TTF2: variants seen among roughly 807,000 people sequenced by gnomAD.
TTF2 encodes the protein RNA polymerase II termination factor.
In TTF2, 108 loss-of-function variants were observed where a neutral mutation model predicts 142.4. That is an observed-to-expected ratio of 0.76 (90% CI 0.65 to 0.89). The LOEUF is 0.89. Ranked by LOEUF, TTF2 falls within the 40% of genes least tolerant of loss-of-function variation. TTF2 has a pLI of 0.00. For missense variants in TTF2, 1,327 were observed against 1,379.8 expected (o/e 0.96, Z 0.61); for synonymous variants, 483 against 506.2 (o/e 0.95, Z 0.61).
chr1:117,092,753 AG>A lies in TTF2; in HGVS notation c.2831del (p.Gly944ValfsTer15). On this transcript the variant is annotated frameshift_variant, in exon 18 of 23. Coordinates refer to ENST00000369466, the MANE Select transcript of TTF2 (RefSeq NM_003594.4). LOFTEE classifies it high-confidence loss of function. The surrounding 1 kb of genome is among the most constrained non-coding windows in gnomAD (Gnocchi z 4.4). Reference sequence around the variant, plus strand: ...CAGGCCCTGGATCCAATGGAACTGAAGGGTGAAGGTCTTGTCCTTTCCCTGG... The same window carrying A: ...CAGGCCCTGGATCCAATGGAACTGAAGGTGAAGGTCTTGTCCTTTCCCTGG... The part of the protein sequence containing the change: ...LKSALDPMEL[K>X]GEGLVLSLEE... The A allele has an allele frequency of 6.2e-7, 1 of 1,614,128 alleles. No individual in the cohort carries two copies. The highest frequency in any genetic ancestry group is 8.5e-7 in the Non-Finnish European group (1 of 1,180,022).
intron 18 of TTF2, chr1:117,094,619 C>T (rs926792404): frequency 2.1e-6 from 1 of 476,962 alleles, no homozygotes; most frequent in Non-Finnish European, 4.4e-6. Context: ...GGGTAAAGCT[C>T]TTTCACTTTC....
rs746760088 is a variant in TTF2, at chr1:117,098,890, A to G, written c.3327A>G (p.Lys1109=). The G allele has an allele frequency of 1.2e-6, 2 of 1,613,026 alleles. No individual in the cohort carries two copies. Among genetic ancestry groups the G allele is most frequent in the African/African-American group, 1.3e-5 (1 of 74,722 alleles). ...GAATTTACCGAGTAGGGCAGCAGAA[A>G]GATGTTGTCATACACAGGTAAGTAA... is the stretch of plus-strand genomic sequence containing the variant. ...CDRIYRVGQQ[K]DVVIHRFVCE... The change falls in exon 22 of 23, where the codon AAA becomes AAG. Residue 1109 remains lysine, a synonymous_variant. Transcript: ENST00000369466.
In TTF2 at chr1:117,096,135, A is replaced by G. The variant is rs368421157; in HGVS notation, c.3036-14A>G. 1.9e-6 allele frequency: 3 copies of G among 1,613,516 alleles called. No homozygotes were observed. The highest frequency in any genetic ancestry group is 1.3e-5 in the African/African-American group (1 of 74,936). The stretch of plus-strand genomic sequence containing the variant: ...CTATGTTAGGGTATTTTTTTATTTT[A>G]TTCTTCTTTCCAGTGTCATTGTCTC... On this transcript the variant is annotated splice_polypyrimidine_tract_variant and intron_variant, in intron 19 of 22. Coordinates refer to ENST00000369466, the MANE Select transcript of TTF2 (RefSeq NM_003594.4).
At chr1:117,095,141 A>G (rs1480027583) in intron 18 of TTF2, among the ~76,000 whole-genome samples, 168 bp from the exon 19 acceptor site, 1 of 152,188 alleles carries the variant, frequency 6.6e-6, no homozygotes, top group Non-Finnish European at 1.5e-5. Context: ...TGAAGTGACA[A>G]ACTCACATTT....
chr1:117,096,029 A>C, intron 19 of TTF2, 120 bp from the exon 20 acceptor site: 1 of 1,087,362 alleles, frequency 9.2e-7, no homozygotes, highest in South Asian at 1.5e-5. Flanking sequence ...TAGGTAGCAG[A>C]AGGCCTTTCC....
intron 3 of TTF2, among the ~76,000 whole-genome samples, chr1:117,067,383 A>G (rs934791006): frequency 1.3e-5 from 2 of 152,070 alleles, no homozygotes; most frequent in Non-Finnish European, 2.9e-5. Flanking sequence ...TACAAAAAAT[A>G]GCCGGGCATG....
Position 117,075,186 on chromosome 1 carries a change from A to G in TTF2, c.602A>G (p.Glu201Gly). 1 of 1,614,214 alleles carries G rather than the reference A, an allele frequency of 6.2e-7. No homozygotes were observed. Among genetic ancestry groups the G allele is most frequent in the Non-Finnish European group, 8.5e-7 (1 of 1,180,048 alleles). The stretch of plus-strand genomic sequence containing the variant: ...GAGAAGAAGCAAGAAGAGGGAGCAG[A>G]GATTCAGTGTGAGGCAGAGACTGGA... ...VQEKKQEEGA[E>G]IQCEAETGGT... Residue 201 changes from glutamate (E) to glycine (G), a missense_variant, in exon 5 of 23, where the codon GAG (glutamate) becomes GGG (glycine). Coordinates refer to ENST00000369466, the MANE Select transcript of TTF2 (RefSeq NM_003594.4). This position sits in a 1 kb window ranked among gnomAD's most constrained non-coding sequence, Gnocchi z 4.5.
At chr1:117,078,940 T>G (rs988052428) in intron 8 of TTF2, among the ~76,000 whole-genome samples, 6 of 151,790 alleles carry the variant, frequency 4.0e-5, no homozygotes, top group Non-Finnish European at 5.9e-5. Context: ...GGGTCAGAGG[T>G]CTTGGTTAAA....
At chr1:117,094,801 A>T in intron 18 of TTF2, 1 of 372,556 alleles carries the variant, frequency 2.7e-6, no homozygotes, top group Non-Finnish European at 5.4e-6. Context: ...TATGACAAGG[A>T]CCGTGATAAT....
At position 117,091,807 on chromosome 1, in the gene TTF2, C is replaced by G; in HGVS notation, c.2672-10C>G. The G allele has an allele frequency of 2.5e-6, 4 of 1,611,778 alleles. No homozygotes were observed. Among genetic ancestry groups the G allele is most frequent in the Admixed American group, 1.7e-5 (1 of 59,868 alleles). On this transcript the variant is annotated splice_polypyrimidine_tract_variant and intron_variant, in intron 16 of 22. Transcript: ENST00000369466. ...TGTACCATCCTGTGGCTTGTCTTCC[C>G]TCTTGGAAGTGGCACTGGAGTTTGG...
In TTF2 at chr1:117,062,376, C is replaced by G. The variant is rs775652894; in HGVS notation, c.132-11C>G. The G allele has an allele frequency of 9.3e-6, 15 of 1,609,280 alleles. No homozygotes were observed. The South Asian group carries it at 1.7e-4, about 18-fold the overall frequency. ...ACCTAAAAATGTTTTCAACTTTTTT[C>G]TTTTCTCTAGCATTCCTGTTTCCCA... is the stretch of plus-strand genomic sequence containing the variant. On this transcript the variant is annotated splice_polypyrimidine_tract_variant and intron_variant, in intron 2 of 22. Coordinates refer to ENST00000369466, the MANE Select transcript of TTF2 (RefSeq NM_003594.4).
chr1:117,074,894 G>C lies in TTF2; in HGVS notation c.310G>C (p.Val104Leu). 1 of 1,594,658 alleles carries C rather than the reference G, an allele frequency of 6.3e-7. No homozygotes were observed. Among genetic ancestry groups the C allele is most frequent in the East Asian group, 2.2e-5 (1 of 44,702 alleles). ...GGATCCTGATTCCAAAGAACATTCT[G>C]TATCCAATAAGTCTCAGCATGCATC... is the stretch of plus-strand genomic sequence containing the variant. ...WQDPDSKEHSVSNKSQHASET... is the reference protein window; with the variant it reads ...WQDPDSKEHSLSNKSQHASET... The change falls in exon 5 of 23, where the codon GTA (valine) becomes CTA (leucine). Residue 104 changes from valine (V) to leucine (L), a missense_variant. By Grantham distance (32) the Val-to-Leu change is conservative. Coordinates refer to ENST00000369466, the MANE Select transcript of TTF2 (RefSeq NM_003594.4).
rs370929146 is a variant in TTF2 at position 117,075,276 on chromosome 1, G to A, written c.692G>A (p.Arg231Lys). ...CAGTGCCAAGGTAATGAGCTTACAA[G>A]ACCATCTGCATCTTCTCAGGAGAAA... The part of the protein sequence containing the change: ...SQQCQGNELT[R>K]PSASSQEKSS... The change falls in exon 5 of 23, where the codon AGA becomes AAA. Residue 231 changes from arginine to lysine, a missense_variant. Transcript: ENST00000369466. This position sits in a 1 kb window ranked among gnomAD's most constrained non-coding sequence, Gnocchi z 4.5. 1.3e-5 allele frequency: 21 copies of A among 1,614,110 alleles called. No homozygotes were observed. Among genetic ancestry groups the A allele is most frequent in the Non-Finnish European group, 1.8e-5 (21 of 1,180,046 alleles).
rs1293030935 is a variant in TTF2, at chr1:117,100,354, T to C, written c.3345-1026T>C. Among the ~76,000 whole-genome samples, 1 of 152,188 alleles carries C rather than the reference T, an allele frequency of 6.6e-6. No individual in the cohort carries two copies. Among genetic ancestry groups the C allele is most frequent in the Admixed American group, 6.5e-5 (1 of 15,270 alleles). Reference sequence around the variant, plus strand: ...TCTGATAACCATTTCTTCCTTCCCATGCCCACTGCCAGGTCCCCCCTTCCC... The same window carrying C: ...TCTGATAACCATTTCTTCCTTCCCACGCCCACTGCCAGGTCCCCCCTTCCC... On this transcript the variant is annotated intron_variant, in intron 22 of 22. Transcript: ENST00000369466. The surrounding 1 kb of genome is among the most constrained non-coding windows in gnomAD (Gnocchi z 4.6).
intron 8 of TTF2, 116 bp downstream of exon 8, chr1:117,078,159 G>C (rs771683961): frequency 7.4e-6 from 10 of 1,352,208 alleles, no homozygotes; most frequent in Non-Finnish European, 9.0e-6. Flanking sequence ...TGCTTAAATG[G>C]CTTCCCTTGC....
intron 2 of TTF2, 123 bp downstream of exon 2, chr1:117,060,680 G>A (rs1214810505): frequency 1.1e-6 from 1 of 941,710 alleles, no homozygotes; most frequent in Non-Finnish European, 1.5e-6. Context: ...TGCGGTGTCA[G>A]GACCCTTTAA....
chr1:117,091,323 G>A lies in TTF2; in HGVS notation c.2589-5G>A. Reference sequence around the variant, plus strand: ...TGCATTTTTTTTCTTTTTAATCTGAGGCAGGTCAGCTCTGCAATCCTATCT... The same window carrying A: ...TGCATTTTTTTTCTTTTTAATCTGAAGCAGGTCAGCTCTGCAATCCTATCT... On this transcript the variant is annotated splice_region_variant and splice_polypyrimidine_tract_variant and intron_variant, in intron 15 of 22. Transcript: ENST00000369466. The A allele has an allele frequency of 1.9e-6, 3 of 1,606,978 alleles. No homozygotes were observed. Among genetic ancestry groups the A allele is most frequent in the Admixed American group, 1.7e-5 (1 of 58,086 alleles).
rs577409569 is a variant in TTF2 at position 117,080,882 on chromosome 1, G to A, written c.1784-946G>A. 4.9e-4 allele frequency among the ~76,000 whole-genome samples: 75 copies of A among 152,292 alleles called. No homozygotes were observed. In the South Asian group the frequency reaches 9.5e-3, roughly 19 times the overall value. Reference sequence around the variant, plus strand: ...CCAGCAGGGAGTTGTGACAACAGGCGTCAAAGGTTCCCTAGGAAGCTCATT... The same window carrying A: ...CCAGCAGGGAGTTGTGACAACAGGCATCAAAGGTTCCCTAGGAAGCTCATT... On this transcript the variant is annotated intron_variant, in intron 9 of 22. Transcript: ENST00000369466. This position sits in a 1 kb window ranked among gnomAD's most constrained non-coding sequence, Gnocchi z 4.3.
In TTF2 at chr1:117,087,136, G is replaced by T. The variant is rs1016469517; in HGVS notation, c.2160+614G>T. ...TATATGTTATCCTTTTAGCCCAACG[G>T]GATATTCACAGGTTTCTGTATTTGG... On this transcript the variant is annotated intron_variant, in intron 12 of 22. Coordinates refer to ENST00000369466, the MANE Select transcript of TTF2 (RefSeq NM_003594.4). This position sits in a 1 kb window ranked among gnomAD's most constrained non-coding sequence, Gnocchi z 4.8. Among the ~76,000 whole-genome samples, 1 of 152,040 alleles carries T rather than the reference G, an allele frequency of 6.6e-6. No individual in the cohort carries two copies. Among genetic ancestry groups the T allele is most frequent in the Non-Finnish European group, 1.5e-5 (1 of 68,002 alleles).
Sources: gnomAD v4.1 joint callset for allele counts (sites outside exome capture counted in the v4.1 genomes callset) on GRCh38, gnomAD v4.1.1 for gene constraint, Gnocchi (gnomAD v3.1) non-coding constraint, MANE v1.5 for transcripts, NCBI Gene and HGNC (gene_info 2026-07-23, HGNC 2026-07-21) for gene names.